The following WWC1 variants were observed in gnomAD, a reference collection of about 807,000 sequenced individuals.
WWC1 encodes the protein protein KIBRA.
In WWC1, 55 loss-of-function variants were observed where a neutral mutation model predicts 138.4. That is an observed-to-expected ratio of 0.40 (90% confidence interval 0.32 to 0.50). WWC1 has a LOEUF of 0.50. Ranked by LOEUF, WWC1 falls within the 20% of genes least tolerant of loss-of-function variation. The pLI is 0.72. For missense variants in WWC1, 1,226 were observed against 1,420.4 expected (o/e 0.86, Z 2.20); for synonymous variants, 524 against 564.9 (o/e 0.93, Z 1.03).
At chr5:168,378,415 TTTAAAAG>T (rs1777386030) in intron 2 of WWC1, among the ~76,000 whole-genome samples, 1 of 151,142 alleles carries the variant, frequency 6.6e-6, no homozygotes, top group African/African-American at 2.5e-5. Flanking sequence ...GAATCTAAAA[TTTAAAAG>T]TTAAATTTTT....
intron 3 of WWC1, among the ~76,000 whole-genome samples, chr5:168,385,860 A>G (rs1778004553): frequency 6.6e-6 from 1 of 152,170 alleles, no homozygotes; most frequent in Non-Finnish European, 1.5e-5. Flanking sequence ...TATTTACCGC[A>G]ATTTCAAAAC....
intron 1 of WWC1, among the ~76,000 whole-genome samples, chr5:168,360,119 G>A (rs552225906): frequency 4.9e-4 from 74 of 152,248 alleles, no homozygotes; most frequent in African/African-American, 1.6e-3. Context: ...TGTAGCACCC[G>A]TTCCACCAGT....
At chr5:168,448,888 G>A (rs1000070396) in intron 17 of WWC1, among the ~76,000 whole-genome samples, 1 of 152,030 alleles carries the variant, frequency 6.6e-6, no homozygotes, top group African/African-American at 2.4e-5. Context: ...CAAAGTGCTG[G>A]GATTACAGGC....
Position 168,468,952 on chromosome 5 carries a change from G to A in WWC1, c.3277G>A (p.Glu1093Lys). The A allele has an allele frequency of 6.2e-7, 1 of 1,614,226 alleles. No individual in the cohort carries two copies. The highest frequency in any genetic ancestry group is 8.5e-7 in the Non-Finnish European group (1 of 1,180,038). Residue 1093 changes from glutamate to lysine, a missense_variant and splice_region_variant, in exon 23 of 23, where the codon GAG (glutamate) becomes AAG (lysine). Glu to Lys is a moderately conservative substitution (Grantham distance 56). Coordinates refer to ENST00000265293, the MANE Select transcript of WWC1 (RefSeq NM_015238.3). ...KEPPEVQSFR[E>K]KMAFFTRPRM... The stretch of plus-strand genomic sequence containing the variant: ...CTAAAGGGATGGCCTCTCTTATAGG[G>A]AGAAGATGGCATTTTTCACCCGGCC...
At chr5:168,323,299 A>G (rs13360394) in intron 1 of WWC1, among the ~76,000 whole-genome samples, 10,057 of 152,220 alleles carry the variant, frequency 0.066, 1,122 homozygotes, top group African/African-American at 0.23. Context: ...TAACCCCAAC[A>G]CTTTGGAAGA....
chr5:168,401,619 A>G (rs1336170591), intron 5 of WWC1, among the ~76,000 whole-genome samples: 2 of 152,234 alleles, frequency 1.3e-5, no homozygotes, highest in Non-Finnish European at 2.9e-5. Flanking sequence ...CACATGCTGT[A>G]AGAAAGTATG....
chr5:168,462,138 G>A (rs1295402862), intron 20 of WWC1, among the ~76,000 whole-genome samples: 2 of 152,250 alleles, frequency 1.3e-5, no homozygotes, highest in East Asian at 1.9e-4. Flanking sequence ...ATAGCCCCCA[G>A]TAGGGGCAGG....
chr5:168,462,021 A>G (rs990068055), intron 20 of WWC1, among the ~76,000 whole-genome samples: 5 of 151,684 alleles, frequency 3.3e-5, no homozygotes, highest in South Asian at 2.1e-4. Flanking sequence ...GCGCCGTTGC[A>G]CTCCAGCTGG....
At chr5:168,327,007 C>A (rs1426203260) in intron 1 of WWC1, among the ~76,000 whole-genome samples, 1 of 152,180 alleles carries the variant, frequency 6.6e-6, no homozygotes, top group Non-Finnish European at 1.5e-5. Flanking sequence ...CATATGCAGG[C>A]CAGTGTCTGA....
At chr5:168,390,098 A>G (rs139123563) in intron 3 of WWC1, among the ~76,000 whole-genome samples, 38 of 152,324 alleles carry the variant, frequency 2.5e-4, no homozygotes, top group African/African-American at 8.9e-4. Context: ...GCAGATTACT[A>G]GTTGTTGTAA....
chr5:168,386,109 G>A (rs1271827220), intron 3 of WWC1, among the ~76,000 whole-genome samples: 1 of 152,042 alleles, frequency 6.6e-6, no homozygotes, highest in Non-Finnish European at 1.5e-5. Flanking sequence ...CATTTGCAAG[G>A]CTAAGTCCTT....
intron 15 of WWC1, 21 bp downstream of exon 15, chr5:168,431,465 G>A: frequency 1.6e-5 from 5 of 308,734 alleles, no homozygotes; most frequent in Middle Eastern, 6.6e-4. Context: ...TGTCTGGCTG[G>A]CTGGCTGGCT....
intron 2 of WWC1, among the ~76,000 whole-genome samples, chr5:168,379,224 A>G (rs1777440618): frequency 6.6e-6 from 1 of 152,200 alleles, no homozygotes; most frequent in Non-Finnish European, 1.5e-5. Flanking sequence ...ACTTTTAATT[A>G]AAACAAGAAC....
chr5:168,400,978 C>G (rs1261027248), intron 5 of WWC1, among the ~76,000 whole-genome samples: 1 of 149,924 alleles, frequency 6.7e-6, no homozygotes, highest in East Asian at 2.0e-4. Flanking sequence ...GTGACACCCT[C>G]TCTCCAAAGA....
At chr5:168,439,260 A>G (rs1252836747) in intron 15 of WWC1, among the ~76,000 whole-genome samples, 1 of 152,180 alleles carries the variant, frequency 6.6e-6, no homozygotes, top group Admixed American at 6.5e-5. Context: ...ACATGACTAT[A>G]TAATATTCCA....
Position 168,292,298 on chromosome 5 carries a change from C to A in WWC1, c.119+27C>A, listed in dbSNP as rs1769117147. 1.9e-6 allele frequency: 3 copies of A among 1,564,010 alleles called. No individual in the cohort carries two copies. The highest frequency in any genetic ancestry group is 8.7e-7 in the Non-Finnish European group (1 of 1,155,314). ...TAGGACCCTGGAACCCTCCTCCGTG[C>A]CCCCACACCCCCGCCTGGGCCCCCA... is the stretch of plus-strand genomic sequence containing the variant. On this transcript the variant is annotated intron_variant, in intron 1 of 22. Transcript: ENST00000265293. This position sits in a 1 kb window ranked among gnomAD's most constrained non-coding sequence, Gnocchi z 4.4.
At chr5:168,348,944 G>T (rs1190836139) in intron 1 of WWC1, among the ~76,000 whole-genome samples, 1 of 152,162 alleles carries the variant, frequency 6.6e-6, no homozygotes, top group Non-Finnish European at 1.5e-5. Context: ...AATGCCTACT[G>T]CTGTACACAC....
At position 168,335,878 on chromosome 5, in the gene WWC1, C is replaced by T. The variant is rs920456806; in HGVS notation, c.120-35546C>T. Among the ~76,000 whole-genome samples, 7 of 152,358 alleles carry T rather than the reference C, an allele frequency of 4.6e-5. No homozygotes were observed. In the South Asian group the frequency reaches 1.4e-3, roughly 32 times the overall value. ...GAAATTAATTAGCAGAACCAGGATA[C>T]AGACACAGCTCCCTCTACCCAGAAA... is the stretch of plus-strand genomic sequence containing the variant. On this transcript the variant is annotated intron_variant, in intron 1 of 22. Coordinates refer to ENST00000265293, the MANE Select transcript of WWC1 (RefSeq NM_015238.3).
intron 1 of WWC1, among the ~76,000 whole-genome samples, chr5:168,333,168 G>C (rs1773179708): frequency 6.6e-6 from 1 of 152,192 alleles, no homozygotes; most frequent in African/African-American, 2.4e-5. Context: ...GCATCTGTAG[G>C]GGACCAAGGA....
Sources: allele counts gnomAD v4.1 joint callset (sites outside exome capture counted in the v4.1 genomes callset), GRCh38; gene constraint gnomAD v4.1.1; non-coding constraint Gnocchi (gnomAD v3.1); transcripts MANE v1.5; gene names NCBI Gene and HGNC (gene_info 2026-07-23, HGNC 2026-07-21).